Variants in ZC4H2 observed in about 807,000 individuals in gnomAD.
The protein encoded by ZC4H2 is zinc finger C4H2 domain-containing protein.
For synonymous variants in ZC4H2, 84 were observed against 66.3 expected (o/e 1.27, Z -1.30); for missense variants, 137 against 173.9 (o/e 0.79, Z 1.19).
At chrX:64,927,194 T>C (rs1217906071) in intron 1 of ZC4H2, among the ~76,000 whole-genome samples, 1 of 110,788 alleles carries the variant, frequency 9.0e-6, no homozygotes, top group African/African-American at 3.3e-5. Flanking sequence ...GCAGGTTTGT[T>C]ACATAGGTAT....
chrX:64,946,049 T>C (rs1230222260), intron 1 of ZC4H2, among the ~76,000 whole-genome samples: 2 of 111,164 alleles, frequency 1.8e-5, no homozygotes, highest in African/African-American at 3.3e-5. Flanking sequence ...GCGAGATCAC[T>C]TGGCTTTCTG....
intron 2 of ZC4H2, among the ~76,000 whole-genome samples, chrX:64,920,997 A>G (rs1316329630): frequency 2.7e-5 from 3 of 112,195 alleles, no homozygotes; most frequent in Non-Finnish European, 5.6e-5. Context: ...CCAAACTGTC[A>G]ACACTTTATG....
chrX:64,972,417 T>C (rs1931813491), intron 1 of ZC4H2, among the ~76,000 whole-genome samples: 1 of 111,896 alleles, frequency 8.9e-6, no homozygotes, highest in Non-Finnish European at 1.9e-5. Context: ...CATTAGATGA[T>C]GCTGCTGTCA....
chrX:64,981,063 A>G (rs760149716), upstream of ZC4H2, among the ~76,000 whole-genome samples: 91 of 109,873 alleles, frequency 8.3e-4, no homozygotes, highest in Non-Finnish European at 1.5e-3. Flanking sequence ...TGCTCCAGGC[A>G]GAACGAATAG....
chrX:64,974,569 A>G (rs1187258064), intron 1 of ZC4H2, among the ~76,000 whole-genome samples: 1 of 112,020 alleles, frequency 8.9e-6, no homozygotes, highest in Non-Finnish European at 1.9e-5. Context: ...GAAGAGGGAC[A>G]GTAGAAGTCC....
At chrX:64,922,290 G>GA (rs1929239859) in intron 1 of ZC4H2, 2 of 240,947 alleles carry the variant, frequency 8.3e-6, no homozygotes, top group Admixed American at 7.4e-5. Context: ...AAAAGAAAAA[G>GA]AAAAAGAAAA....
At chrX:64,942,804 T>C (rs1476698706) in intron 1 of ZC4H2, among the ~76,000 whole-genome samples, 1 of 112,088 alleles carries the variant, frequency 8.9e-6, no homozygotes, top group Admixed American at 9.5e-5. Context: ...TGTGCATGTG[T>C]CTTTATAGTA....
At chrX:64,939,610 G>C (rs181842856) in intron 1 of ZC4H2, among the ~76,000 whole-genome samples, 22 of 111,186 alleles carry the variant, frequency 2.0e-4, no homozygotes. Context: ...CAGAACAGAG[G>C]CCTCGGAAAT....
At chrX:65,002,453 C>T (rs1249845341) in intron 1 of ZC4H2, among the ~76,000 whole-genome samples, 7 of 107,881 alleles carry the variant, frequency 6.5e-5, no homozygotes, top group South Asian at 4.1e-4. Flanking sequence ...GGGGCGCCTC[C>T]GCCCAGCTGC....
At chrX:64,938,647 ATG>A (rs1181554563) in intron 1 of ZC4H2, among the ~76,000 whole-genome samples, 3 of 112,034 alleles carry the variant, frequency 2.7e-5, no homozygotes, top group African/African-American at 9.7e-5. Flanking sequence ...AAATCAATAA[ATG>A]CAATCCATCA....
At chrX:65,032,040 T>C in intron 1 of ZC4H2, among the ~76,000 whole-genome samples, 1 of 111,882 alleles carries the variant, frequency 8.9e-6, no homozygotes, top group East Asian at 2.8e-4. Flanking sequence ...CATATTGATA[T>C]AGAGAGGTCT....
chrX:64,990,042 A>C (rs1602441318), intron 1 of ZC4H2, among the ~76,000 whole-genome samples: 1 of 112,110 alleles, frequency 8.9e-6, no homozygotes, highest in Non-Finnish European at 1.9e-5. Flanking sequence ...CATTTACCCC[A>C]GAAAAAAGTG....
At chrX:64,955,041 TTTG>T (rs1232582505) in intron 1 of ZC4H2, among the ~76,000 whole-genome samples, 1 of 111,402 alleles carries the variant, frequency 9.0e-6, no homozygotes, top group East Asian at 2.8e-4. Flanking sequence ...CGTTAAAGCT[TTTG>T]TTATTAAAGG....
intron 1 of ZC4H2, among the ~76,000 whole-genome samples, chrX:64,947,145 T>A (rs1317254788): frequency 8.9e-6 from 1 of 112,406 alleles, no homozygotes; most frequent in Non-Finnish European, 1.9e-5. Context: ...ATTTTTCTGG[T>A]AATTTTTTCT....
chrX:64,935,298 T>A (rs1602394804), intron 1 of ZC4H2, among the ~76,000 whole-genome samples: 2 of 111,559 alleles, frequency 1.8e-5, no homozygotes, highest in African/African-American at 6.5e-5. Flanking sequence ...GCAGGGCATC[T>A]CTGAAAAAAA....
chrX:65,020,444 T>A (rs765145353), intron 1 of ZC4H2, among the ~76,000 whole-genome samples: 10 of 111,661 alleles, frequency 9.0e-5, no homozygotes, highest in African/African-American at 3.3e-4. Flanking sequence ...CTAAGCTTCA[T>A]AAGTGAAGGA....
Position 64,969,090 on chromosome X carries a change from G to A in ZC4H2, c.53+7235C>T, listed in dbSNP as rs758991744. ...AGGCTTCATGACTTAATTACTTCCC[G>A]AAAGGTCTCTCCTCTTAATACCATC... On this transcript the variant is annotated intron_variant, in intron 1 of 4. Transcript: ENST00000374839. Among the ~76,000 whole-genome samples the A allele has an allele frequency of 6.3e-5, 7 of 111,879 alleles. No individual in the cohort carries two copies. In the East Asian group the frequency reaches 2.0e-3, roughly 32 times the overall value.
At chrX:64,919,777 T>C (rs994224143) in intron 3 of ZC4H2, 3 of 249,513 alleles carry the variant, frequency 1.2e-5, no homozygotes, top group South Asian at 2.0e-4. Flanking sequence ...TTAAGAGTTA[T>C]AGACATAGTC....
At chrX:64,941,799 A>G (rs1930294251) in intron 1 of ZC4H2, among the ~76,000 whole-genome samples, 1 of 110,530 alleles carries the variant, frequency 9.0e-6, no homozygotes, top group African/African-American at 3.3e-5. Context: ...GTTTGCCAGT[A>G]TTTCTCATTG....
Sources: allele counts gnomAD v4.1 joint callset (sites outside exome capture counted in the v4.1 genomes callset), GRCh38; gene constraint gnomAD v4.1.1; transcripts MANE v1.5; gene names NCBI Gene and HGNC (gene_info 2026-07-23, HGNC 2026-07-21).